ZNF831: variants seen among roughly 807,000 people sequenced by gnomAD.
ZNF831 encodes zinc finger protein 831, also known as chromosome 20 open reading frame 174.
In ZNF831, 59 loss-of-function variants were observed where a neutral mutation model predicts 95.8. The observed-to-expected ratio is 0.62, with a 90% CI of 0.50 to 0.77. The LOEUF (loss-of-function observed/expected upper bound fraction) is 0.77. Ranked by LOEUF, ZNF831 falls within the 30% of genes least tolerant of loss-of-function variation. The probability of loss-of-function intolerance (pLI) is 0.00; values close to 1 mark genes in which losing one functional copy is unlikely to be tolerated. For synonymous variants in ZNF831, 961 were observed against 925.5 expected, an observed-to-expected ratio of 1.04 and a Z score of -0.70; for missense variants, 2,205 against 2,164.0, an observed-to-expected ratio of 1.02 and a Z score of -0.38.
upstream of ZNF831, among the ~76,000 whole-genome samples, chr20:59,161,942 T>C (rs1980896065): frequency 6.6e-6 from 1 of 152,244 alleles, no homozygotes. Flanking sequence ...TTTTGACTTT[T>C]TAGTCATAGC....
chr20:59,130,861 C>T (rs1019406788), intron 1 of ZNF831, among the ~76,000 whole-genome samples: 1 of 152,072 alleles, frequency 6.6e-6, no homozygotes, highest in Admixed American at 6.5e-5. Context: ...GGCGCTTGGC[C>T]CTGACACTTT....
At chr20:59,124,773 A>ATC (rs1979115816) in intron 1 of ZNF831, among the ~76,000 whole-genome samples, 1 of 152,214 alleles carries the variant, frequency 6.6e-6, no homozygotes, top group Non-Finnish European at 1.5e-5. Context: ...AGTGTGGAAT[A>ATC]AAATGGCTCT....
intron 4 of ZNF831, among the ~76,000 whole-genome samples, chr20:59,251,580 G>A (rs2146753033): frequency 6.6e-6 from 1 of 152,298 alleles, no homozygotes; most frequent in East Asian, 1.9e-4. Context: ...AGTTGTAGAG[G>A]TTCAGGAACC....
At chr20:59,218,019 TGCCAA>T (rs947358387) in intron 4 of ZNF831, among the ~76,000 whole-genome samples, 8 of 152,338 alleles carry the variant, frequency 5.3e-5, no homozygotes, top group African/African-American at 1.9e-4. Flanking sequence ...ATCTGCAGGC[TGCCAA>T]GCCCCAGTGT....
chr20:59,188,750 T>A (rs1983271315), intron 1 of ZNF831, among the ~76,000 whole-genome samples: 1 of 152,250 alleles, frequency 6.6e-6, no homozygotes, highest in Admixed American at 6.5e-5. Flanking sequence ...ATCATGCATA[T>A]AATTTGCAAA....
intron 4 of ZNF831, among the ~76,000 whole-genome samples, chr20:59,218,203 G>A (rs1985827626): frequency 6.6e-6 from 1 of 152,212 alleles, no homozygotes; most frequent in Non-Finnish European, 1.5e-5. Flanking sequence ...GTTAGGGTGG[G>A]ATTTGGGGCC....
chr20:59,136,199 G>T (rs2146440218), intron 1 of ZNF831, among the ~76,000 whole-genome samples: 1 of 152,252 alleles, frequency 6.6e-6, no homozygotes, highest in African/African-American at 2.4e-5. Flanking sequence ...TCCTTCTCAT[G>T]CTTCGAGTCT....
rs2146772071 is a variant in ZNF831, at chr20:59,254,573, A to T, written c.4864A>T (p.Thr1622Ser). The change falls in exon 6 of 6, where the codon ACT (threonine) becomes TCT (serine). Residue 1622 changes from threonine to serine, a missense_variant. Physicochemically the swap from Thr to Ser is moderately conservative, Grantham distance 58. Transcript: ENST00000371030. The surrounding 1 kb of genome is among the most constrained non-coding windows in gnomAD (Gnocchi z 4.5). ...GAAACGTCAGGTATCTGGATTAATC[A>T]CTCGGAAAGATTCTGTGGTTCCTTC... ...GRKRQVSGLI[T>S]RKDSVVPSKP... is the part of the protein sequence containing the mutation. 6.2e-7 allele frequency: 1 copy of T among 1,613,984 alleles called. No individual in the cohort carries two copies. Among genetic ancestry groups the T allele is most frequent in the South Asian group, 1.1e-5 (1 of 91,080 alleles).
rs368911556 is a variant in ZNF831, at chr20:59,191,514, C to T, written c.495C>T (p.Ser165=). The T allele has an allele frequency of 3.4e-5, 55 of 1,613,140 alleles. No individual in the cohort carries two copies. The African/African-American group carries it at 6.8e-4, about 20-fold the overall frequency. Residue 165 remains serine, a synonymous_variant, in exon 2 of 6, where the codon TCC becomes TCT. Transcript: ENST00000371030. ...KPSVLEKHIR[S]HTGERPFPCA... is the part of the protein sequence containing the mutation. ...GTGTTCTAGAGAAGCACATCCGGTC[C>T]CACACGGGTGAGAGGCCCTTCCCGT... is the stretch of plus-strand genomic sequence containing the variant.
intron 1 of ZNF831, among the ~76,000 whole-genome samples, chr20:59,173,460 G>A (rs114173472): frequency 0.015 from 2,346 of 152,240 alleles, 56 homozygotes; most frequent in African/African-American, 0.053. Context: ...CTCTCTGTAA[G>A]TGCTCAAGGA....
At chr20:59,128,516 C>T (rs916134636) in intron 1 of ZNF831, among the ~76,000 whole-genome samples, 3 of 152,154 alleles carry the variant, frequency 2.0e-5, no homozygotes, top group Non-Finnish European at 4.4e-5. Context: ...GAGGATGGTC[C>T]AGGAGGCAGC....
chr20:59,235,055 C>G (rs1213681097), intron 4 of ZNF831, among the ~76,000 whole-genome samples: 1 of 152,148 alleles, frequency 6.6e-6, no homozygotes, highest in Non-Finnish European at 1.5e-5. Context: ...AGCCCCGGCT[C>G]TCAGTCACTG....
rs147063462 is a variant in ZNF831 at position 59,197,763 on chromosome 20, T to C, written c.3875+1758T>C. Among the ~76,000 whole-genome samples the C allele has an allele frequency of 4.7e-3, 709 of 152,132 alleles. 3 individuals carry two copies. The highest frequency in any genetic ancestry group is 0.017 in the African/African-American group (685 of 41,508). On this transcript the variant is annotated intron_variant, in intron 3 of 5. Transcript: ENST00000371030. ...CTCATCATCAGCCCTGGCCCAAACT[T>C]GGTGGTGTGGGAAGGACAGTCTTCC...
In ZNF831 at chr20:59,254,981, A is replaced by G; in HGVS notation, c.*238A>G. 2.1e-6 allele frequency: 1 copy of G among 467,704 alleles called. No homozygotes were observed. Among genetic ancestry groups the G allele is most frequent in the East Asian group, 3.8e-5 (1 of 26,106 alleles). 29.0% of individuals were successfully genotyped at this position (467,704 alleles called of 1,614,324 possible). A position where few individuals can be genotyped will look rare whatever the true frequency, so the allele number is the denominator to read the frequency against. On this transcript the variant is annotated 3_prime_UTR_variant, in exon 6 of 6. Coordinates refer to ENST00000371030, the MANE Select transcript of ZNF831 (RefSeq NM_178457.3). The surrounding 1 kb of genome is among the most constrained non-coding windows in gnomAD (Gnocchi z 4.5). The stretch of plus-strand genomic sequence containing the variant: ...CTTCAAATGGTGCCAGGCAGGGCAG[A>G]CATGGCAAGGAAGCAAACTCTGCAA...
intron 4 of ZNF831, 95 bp downstream of exon 4, chr20:59,207,151 C>A: frequency 6.7e-7 from 1 of 1,483,292 alleles, no homozygotes; most frequent in East Asian, 2.3e-5. Flanking sequence ...AGGAGTCAGC[C>A]CCAAGTGCCA....
intron 4 of ZNF831, among the ~76,000 whole-genome samples, chr20:59,222,306 C>T (rs372856085): frequency 1.7e-4 from 26 of 152,128 alleles, no homozygotes; most frequent in African/African-American, 6.0e-4. Flanking sequence ...GGGGTGGGTG[C>T]GGACCCCTGG....
chr20:59,208,268 C>A lies in ZNF831; in HGVS notation c.4027+1212C>A, dbSNP rs1056087741. 6.6e-6 allele frequency among the ~76,000 whole-genome samples: 1 copy of A among 152,178 alleles called. No individual in the cohort carries two copies. ...CTCCATCTCCCTCCTCTGTATCCAGCGAAATTGCCCATTGGGCTGTGCTTG... is the reference window on the plus strand; with the variant it reads ...CTCCATCTCCCTCCTCTGTATCCAGAGAAATTGCCCATTGGGCTGTGCTTG... On this transcript the variant is annotated intron_variant, in intron 4 of 5. Transcript: ENST00000371030. The surrounding 1 kb of genome is among the most constrained non-coding windows in gnomAD (Gnocchi z 4.2).
At chr20:59,225,022 A>G (rs1417680465) in intron 4 of ZNF831, among the ~76,000 whole-genome samples, 1 of 151,580 alleles carries the variant, frequency 6.6e-6, no homozygotes, top group Non-Finnish European at 1.5e-5. Flanking sequence ...GTGGGGGAAA[A>G]GCTCTTTATT....
At chr20:59,175,400 C>T (rs1189113341) in intron 1 of ZNF831, among the ~76,000 whole-genome samples, 1 of 152,036 alleles carries the variant, frequency 6.6e-6, no homozygotes, top group East Asian at 1.9e-4. Context: ...GCCATGGGTC[C>T]CTGAGGCTGT....
Sources: allele counts gnomAD v4.1 joint callset (sites outside exome capture counted in the v4.1 genomes callset), GRCh38; gene constraint gnomAD v4.1.1; non-coding constraint Gnocchi (gnomAD v3.1); transcripts MANE v1.5; gene names NCBI Gene and HGNC (gene_info 2026-07-23, HGNC 2026-07-21).